MTUS2: variants seen among roughly 807,000 people sequenced by gnomAD.
The protein encoded by MTUS2 is microtubule-associated tumor suppressor candidate 2.
A neutral mutation model predicts 114.1 loss-of-function variants in MTUS2; 40 were observed. The ratio of observed to expected loss-of-function variants is 0.35; its 90% confidence interval spans 0.27 to 0.46. MTUS2 has a LOEUF of 0.46. Among genes scored for constraint, MTUS2 ranks in the 20% least tolerant of loss-of-function variants. The probability of loss-of-function intolerance (pLI) is 1.00; values close to 1 mark genes in which losing one functional copy is unlikely to be tolerated. For missense variants in MTUS2, 1,679 were observed against 1,705.4 expected, an observed-to-expected ratio of 0.98 and a Z score of 0.27; for synonymous variants, 688 against 672.0, an observed-to-expected ratio of 1.02 and a Z score of -0.37.
Position 29,307,367 on chromosome 13 carries a change from G to A in MTUS2, c.2807-17246G>A, listed in dbSNP as rs1230685139. On this transcript the variant is annotated intron_variant, in intron 6 of 15. Transcript: ENST00000612955. ...GATGGACCATCCAGGAGACTGTGGT[G>A]TGATAGCCATGGGGCTCTCCAGAAC... 5.1e-6 allele frequency: 4 copies of A among 788,906 alleles called. No individual in the cohort carries two copies. The African/African-American group carries it at 6.7e-5, about 13-fold the overall frequency. 48.9% of individuals were successfully genotyped at this position (788,906 alleles called of 1,614,324 possible).
At position 29,359,225 on chromosome 13, in the gene MTUS2, T is replaced by A. The variant is rs138482103; in HGVS notation, c.2906-37T>A. 3.0e-3 allele frequency: 4,656 copies of A among 1,548,514 alleles called. 18 individuals are homozygous for A. The highest frequency in any genetic ancestry group is 0.013 in the South Asian group (1,076 of 83,608). On this transcript the variant is annotated intron_variant, in intron 7 of 15. Transcript: ENST00000612955. ...TTGTCACATGTGTACTGAGTGTTTT[T>A]TCACAGGTGACCGGGGTTTGGTTTT...
chr13:29,211,593 T>G (rs569114457), intron 5 of MTUS2, among the ~76,000 whole-genome samples: 243 of 152,296 alleles, frequency 1.6e-3, no homozygotes, highest in African/African-American at 5.3e-3. Context: ...CAGAAATGGC[T>G]TCCCTGGGGT....
intron 11 of MTUS2, chr13:29,488,259 C>T (rs1043471807): frequency 1.0e-5 from 5 of 479,564 alleles, no homozygotes; most frequent in East Asian, 3.9e-5. Context: ...CCCTGGGGAG[C>T]GGTAACAAAA....
At chr13:29,055,587 A>C (rs1888096817) in intron 4 of MTUS2, among the ~76,000 whole-genome samples, 1 of 152,060 alleles carries the variant, frequency 6.6e-6, no homozygotes, top group Non-Finnish European at 1.5e-5. Context: ...CTCAATATCT[A>C]GCTTTCCCTT....
chr13:29,198,995 C>A (rs1186907413), intron 5 of MTUS2, among the ~76,000 whole-genome samples: 1 of 152,162 alleles, frequency 6.6e-6, no homozygotes, highest in Non-Finnish European at 1.5e-5. Flanking sequence ...TCTAAATATA[C>A]AATCATATCA....
intron 5 of MTUS2, among the ~76,000 whole-genome samples, chr13:29,175,309 A>G (rs963882862): frequency 6.6e-6 from 1 of 152,220 alleles, no homozygotes; most frequent in Admixed American, 6.5e-5. Context: ...ATGGGTCATT[A>G]TAAAGGAATG....
At chr13:28,838,651 T>C (rs1301238720) in intron 1 of MTUS2, among the ~76,000 whole-genome samples, 1 of 152,198 alleles carries the variant, frequency 6.6e-6, no homozygotes, top group African/African-American at 2.4e-5. Context: ...CCTGCCCCTG[T>C]TAGAGATCAG....
At chr13:29,003,947 C>G (rs1417458880) in intron 2 of MTUS2, among the ~76,000 whole-genome samples, 1 of 152,120 alleles carries the variant, frequency 6.6e-6, no homozygotes, top group East Asian at 1.9e-4. Context: ...TTCAAAGGCT[C>G]AAGTAAGAGC....
At chr13:28,941,130 GAAC>G (rs1882211175) in intron 2 of MTUS2, among the ~76,000 whole-genome samples, 1 of 151,506 alleles carries the variant, frequency 6.6e-6, no homozygotes. Flanking sequence ...GTCATTGTTA[GAAC>G]AACTATACCA....
chr13:29,008,477 A>C (rs573851676), intron 2 of MTUS2, among the ~76,000 whole-genome samples: 1 of 152,194 alleles, frequency 6.6e-6, no homozygotes, highest in Non-Finnish European at 1.5e-5. Context: ...CTTTTGGTTC[A>C]TCTGTCCTGG....
At chr13:28,935,590 G>A (rs1881861735) in intron 2 of MTUS2, among the ~76,000 whole-genome samples, 2 of 151,916 alleles carry the variant, frequency 1.3e-5, no homozygotes, top group African/African-American at 2.4e-5. Context: ...CTGTCCTCTC[G>A]TGGTTACTTT....
chr13:29,417,199 G>A (rs1593421057), intron 8 of MTUS2, among the ~76,000 whole-genome samples: 1 of 152,212 alleles, frequency 6.6e-6, no homozygotes, highest in South Asian at 2.1e-4. Context: ...GAGAAAGGGG[G>A]CAAGAGAGAG....
chr13:29,272,329 G>C (rs1897910401), intron 5 of MTUS2, among the ~76,000 whole-genome samples: 1 of 152,116 alleles, frequency 6.6e-6, no homozygotes, highest in Non-Finnish European at 1.5e-5. Flanking sequence ...GAAGAGAGTA[G>C]TTTAATGATT....
chr13:29,237,339 T>G (rs927103553), intron 5 of MTUS2, among the ~76,000 whole-genome samples: 2 of 152,246 alleles, frequency 1.3e-5, no homozygotes, highest in African/African-American at 2.4e-5. Flanking sequence ...TCTGGTTTTT[T>G]TGGGTCATTT....
At chr13:29,492,610 A>G (rs2138983679) in intron 11 of MTUS2, 36 bp from the exon 12 acceptor site, 1 of 1,565,228 alleles carries the variant, frequency 6.4e-7, no homozygotes, top group South Asian at 1.1e-5. Context: ...TTTTCAAAAG[A>G]AAGACCAACT....
chr13:28,898,252 T>C (rs1212443791), intron 2 of MTUS2, among the ~76,000 whole-genome samples: 1 of 152,114 alleles, frequency 6.6e-6, no homozygotes, highest in African/African-American at 2.4e-5. Context: ...AATCATGGGG[T>C]AGCATGGCAT....
At chr13:29,305,864 T>G (rs1268267856) in intron 6 of MTUS2, among the ~76,000 whole-genome samples, 1 of 152,212 alleles carries the variant, frequency 6.6e-6, no homozygotes, top group East Asian at 1.9e-4. Context: ...GTATCCTTGA[T>G]GAATATTGAT....
intron 5 of MTUS2, among the ~76,000 whole-genome samples, chr13:29,139,457 A>T (rs1051199370): frequency 6.6e-6 from 1 of 152,202 alleles, no homozygotes; most frequent in Admixed American, 6.5e-5. Flanking sequence ...AGTGGTTCTA[A>T]AACAGTATGT....
chr13:29,394,762 C>T, intron 8 of MTUS2, among the ~76,000 whole-genome samples: 1 of 152,212 alleles, frequency 6.6e-6, no homozygotes. Context: ...GCTTTACCTC[C>T]TGAGCTCTGC....
Sources: gnomAD v4.1 joint callset for allele counts (sites outside exome capture counted in the v4.1 genomes callset) on GRCh38, gnomAD v4.1.1 for gene constraint, MANE v1.5 for transcripts, NCBI Gene and HGNC (gene_info 2026-07-23, HGNC 2026-07-21) for gene names.